The following TNFRSF21 variants were observed in gnomAD, a reference collection of about 807,000 sequenced individuals.
TNFRSF21 encodes tumor necrosis factor receptor superfamily member 21.
Under a neutral mutation model 45.6 loss-of-function variants are expected in TNFRSF21, and 19 were observed. The ratio of observed to expected loss-of-function variants is 0.42; its 90% confidence interval spans 0.29 to 0.61. The LOEUF (loss-of-function observed/expected upper bound fraction) is 0.61. TNFRSF21 is among the 20% of genes least tolerant of loss of function. TNFRSF21 has a pLI of 0.23. For missense variants in TNFRSF21, 737 were observed against 851.5 expected (o/e 0.87, Z 1.67); for synonymous variants, 314 against 335.5 (o/e 0.94, Z 0.70).
Position 47,284,389 on chromosome 6 carries a change from T to A in TNFRSF21, c.792A>T (p.Pro264=). 2 of 1,533,202 alleles carry A rather than the reference T, an allele frequency of 1.3e-6. No individual in the cohort carries two copies. The highest frequency in any genetic ancestry group is 1.8e-6 in the Non-Finnish European group (2 of 1,142,740). 95.0% of individuals were successfully genotyped at this position (1,533,202 alleles called of 1,614,324 possible). ...CTTCCTGGATGCTACTCAGTACCTT[T>A]GGTCTAACAGAGGCAGAAGAGTTGG... The part of the protein sequence containing the change: ...TESNSSASVR[P]KVLSSIQEGT... The change falls in exon 3 of 6, where the codon CCA becomes CCT. Residue 264 remains proline, a synonymous_variant. Coordinates refer to ENST00000296861, the MANE Select transcript of TNFRSF21 (RefSeq NM_014452.5).
chr6:47,241,545 AAAG>A (rs570331454), intron 4 of TNFRSF21, among the ~76,000 whole-genome samples: 2 of 152,296 alleles, frequency 1.3e-5, no homozygotes, highest in South Asian at 4.1e-4. Context: ...TAAATGCTTG[AAAG>A]AAGGATTATC....
intron 2 of TNFRSF21, 50 bp from the exon 3 acceptor site, chr6:47,284,482 C>T: frequency 6.7e-7 from 1 of 1,489,232 alleles, no homozygotes; most frequent in Non-Finnish European, 8.9e-7. Flanking sequence ...ATTTGGGGAT[C>T]TATACATTCC....
intron 3 of TNFRSF21, among the ~76,000 whole-genome samples, chr6:47,257,517 C>A (rs1198276465): frequency 6.6e-6 from 1 of 152,208 alleles, no homozygotes. Flanking sequence ...AGTGAGGAGA[C>A]CAGACTGGGG....
chr6:47,281,417 G>A (rs1762565638), intron 3 of TNFRSF21, among the ~76,000 whole-genome samples: 1 of 145,270 alleles, frequency 6.9e-6, no homozygotes, highest in Admixed American at 6.9e-5. Flanking sequence ...GTCTCACTCT[G>A]TGGCCCAGGC....
At chr6:47,253,574 T>G (rs1764936430) in intron 3 of TNFRSF21, 53 bp from the exon 4 acceptor site, 1 of 1,581,248 alleles carries the variant, frequency 6.3e-7, no homozygotes, top group Non-Finnish European at 8.6e-7. Flanking sequence ...GGAAGCTTCT[T>G]ACATAAGGCA....
intron 3 of TNFRSF21, among the ~76,000 whole-genome samples, chr6:47,273,404 C>T (rs1050273347): frequency 1.4e-4 from 22 of 152,098 alleles, no homozygotes; most frequent in Non-Finnish European, 2.6e-4. Context: ...ACAGAACCAA[C>T]GACAAAAACA....
At chr6:47,288,399 C>T (rs1180480455) in intron 1 of TNFRSF21, among the ~76,000 whole-genome samples, 1 of 152,128 alleles carries the variant, frequency 6.6e-6, no homozygotes, top group Non-Finnish European at 1.5e-5. Context: ...TAGAGGAGGG[C>T]ATGAGGGGTG....
At chr6:47,261,009 G>A (rs982483443) in intron 3 of TNFRSF21, among the ~76,000 whole-genome samples, 3 of 152,154 alleles carry the variant, frequency 2.0e-5, no homozygotes, top group Non-Finnish European at 4.4e-5. Flanking sequence ...TTATCCCTGT[G>A]CCAGTTTCTC....
chr6:47,246,351 C>T (rs983744890), intron 4 of TNFRSF21, among the ~76,000 whole-genome samples: 4 of 152,208 alleles, frequency 2.6e-5, no homozygotes, highest in African/African-American at 9.7e-5. Flanking sequence ...GAGCCCCCTG[C>T]TCTATGTCAA....
chr6:47,296,561 C>A (rs1762792929), intron 1 of TNFRSF21, among the ~76,000 whole-genome samples: 1 of 152,154 alleles, frequency 6.6e-6, no homozygotes, highest in South Asian at 2.1e-4. Context: ...TTGGGACTTT[C>A]AACCCCACCT....
At chr6:47,253,871 A>G (rs1764940771) in intron 3 of TNFRSF21, among the ~76,000 whole-genome samples, 1 of 152,234 alleles carries the variant, frequency 6.6e-6, no homozygotes, top group Non-Finnish European at 1.5e-5. Flanking sequence ...AGAGGGGTGG[A>G]TAAGTTCCAA....
chr6:47,308,712 T>C (rs1762973259), intron 1 of TNFRSF21, among the ~76,000 whole-genome samples: 1 of 152,092 alleles, frequency 6.6e-6, no homozygotes, highest in African/African-American at 2.4e-5. Flanking sequence ...CTCCCCCCAT[T>C]CCAGTGCCGG....
In TNFRSF21 at chr6:47,253,359, C is replaced by G; in HGVS notation, c.1406G>C (p.Arg469Pro). The G allele has an allele frequency of 1.2e-6, 2 of 1,614,022 alleles. No individual in the cohort carries two copies. The highest frequency in any genetic ancestry group is 1.7e-6 in the Non-Finnish European group (2 of 1,179,994). Residue 469 changes from arginine to proline, a missense_variant, in exon 4 of 6, where the codon CGG becomes CCG. Coordinates refer to ENST00000296861, the MANE Select transcript of TNFRSF21 (RefSeq NM_014452.5). ...AYAALQHWTI[R>P]GPEASLAQLI... is the part of the protein sequence containing the mutation. ...CTGGGCGAGGCTGGCCTCGGGGCCCCGGATGGTCCAGTGCTGCAGAGCTGC... is the reference window on the plus strand; with the variant it reads ...CTGGGCGAGGCTGGCCTCGGGGCCCGGGATGGTCCAGTGCTGCAGAGCTGC...
At chr6:47,308,150 T>G (rs1228300584) in intron 1 of TNFRSF21, among the ~76,000 whole-genome samples, 1 of 152,278 alleles carries the variant, frequency 6.6e-6, no homozygotes, top group African/African-American at 2.4e-5. Flanking sequence ...TGCCTCATTA[T>G]AAATGCTAAC....
rs1762649069 is a variant in TNFRSF21 at position 47,286,372 on chromosome 6, T to C, written c.320A>G (p.His107Arg). 1 of 1,614,102 alleles carries C rather than the reference T, an allele frequency of 6.2e-7. No individual in the cohort carries two copies. The highest frequency in any genetic ancestry group is 1.7e-5 in the Admixed American group (1 of 60,012). The change falls in exon 2 of 6, where the codon CAT becomes CGT. Residue 107 changes from histidine (H) to arginine (R), a missense_variant. Physicochemically the swap from His to Arg is conservative, Grantham distance 29. Coordinates refer to ENST00000296861, the MANE Select transcript of TNFRSF21 (RefSeq NM_014452.5). ...CCATGGGCATGGCTGACTACAGTCA[T>C]GGCATTTCTCTATGCCATTCTCATG... ...TRHENGIEKCHDCSQPCPWPM... is the reference protein window; with the variant it reads ...TRHENGIEKCRDCSQPCPWPM...
intron 4 of TNFRSF21, 123 bp downstream of exon 4, chr6:47,253,131 CGT>C (rs112989391): frequency 0.018 from 16,209 of 900,368 alleles, 2 homozygotes; most frequent in Non-Finnish European, 0.021. Flanking sequence ...CAGGCGTATG[CGT>C]GTGTGTGTGT....
chr6:47,285,877 C>A (rs1172842344), intron 2 of TNFRSF21, 67 bp downstream of exon 2: 2 of 1,532,236 alleles, frequency 1.3e-6, no homozygotes, highest in Admixed American at 3.6e-5. Flanking sequence ...TTGGTATAAG[C>A]CCACTCTTGG....
At chr6:47,305,134 C>T (rs1427448365) in intron 1 of TNFRSF21, among the ~76,000 whole-genome samples, 1 of 152,132 alleles carries the variant, frequency 6.6e-6, no homozygotes, top group Non-Finnish European at 1.5e-5. Context: ...ATACTACATT[C>T]ATCCAGTGAT....
At chr6:47,257,636 G>T (rs1765007300) in intron 3 of TNFRSF21, among the ~76,000 whole-genome samples, 1 of 152,192 alleles carries the variant, frequency 6.6e-6, no homozygotes, top group South Asian at 2.1e-4. Context: ...ACCTCTTTGG[G>T]GAGGGGGAAG....
Sources: allele counts gnomAD v4.1 joint callset (sites outside exome capture counted in the v4.1 genomes callset), GRCh38; gene constraint gnomAD v4.1.1; transcripts MANE v1.5; gene names NCBI Gene and HGNC (gene_info 2026-07-23, HGNC 2026-07-21).